Variants in ZW10 observed in about 807,000 individuals in gnomAD.
ZW10 encodes the protein zw10 kinetochore protein, also known as centromere/kinetochore protein zw10 homolog.
A neutral mutation model predicts 87.8 loss-of-function variants in ZW10; 53 were observed. That is an observed-to-expected ratio of 0.60 (90% CI 0.48 to 0.76). ZW10 has a LOEUF of 0.76. ZW10 is among the 30% of genes least tolerant of loss of function. ZW10 has a pLI of 0.00. For synonymous variants in ZW10, 312 were observed against 329.2 expected, an observed-to-expected ratio of 0.95 and a Z score of 0.57; for missense variants, 837 against 923.0, an observed-to-expected ratio of 0.91 and a Z score of 1.21.
intron 7 of ZW10, 89 bp downstream of exon 7, chr11:113,757,573 T>C: frequency 9.7e-7 from 1 of 1,030,706 alleles, no homozygotes; most frequent in Non-Finnish European, 1.3e-6. Context: ...TCTCACACAT[T>C]ATAGGCATTT....
At chr11:113,736,216 A>C (rs1953551865) in intron 15 of ZW10, among the ~76,000 whole-genome samples, 1 of 152,030 alleles carries the variant, frequency 6.6e-6, no homozygotes, top group Admixed American at 6.6e-5. Flanking sequence ...TTGAGGCTGC[A>C]GTGAGGAATG....
chr11:113,734,203 T>C (rs928726963), intron 15 of ZW10, among the ~76,000 whole-genome samples: 4 of 152,110 alleles, frequency 2.6e-5, no homozygotes, highest in Non-Finnish European at 5.9e-5. Flanking sequence ...AGAAGTCCCA[T>C]GAATCAATAG....
At chr11:113,770,950 G>T (rs1953959456) in intron 1 of ZW10, among the ~76,000 whole-genome samples, 1 of 149,548 alleles carries the variant, frequency 6.7e-6, no homozygotes. Context: ...ACTTCCTCAA[G>T]TCGGGGACTT....
intron 14 of ZW10, among the ~76,000 whole-genome samples, chr11:113,737,136 A>G (rs754432339): frequency 6.6e-6 from 1 of 152,230 alleles, no homozygotes; most frequent in Non-Finnish European, 1.5e-5. Flanking sequence ...TAGTCAATCT[A>G]TGATTTAGAG....
At chr11:113,750,743 G>A (rs1324742004) in intron 7 of ZW10, among the ~76,000 whole-genome samples, 1 of 152,118 alleles carries the variant, frequency 6.6e-6, no homozygotes, top group South Asian at 2.1e-4. Flanking sequence ...CCAATAAAAA[G>A]TGTGATTTTA....
rs1953804010 is a variant in ZW10, at chr11:113,757,594, A to G, written c.925+68T>C. 7 of 1,190,396 alleles carry G rather than the reference A, an allele frequency of 5.9e-6. No individual in the cohort carries two copies. The Admixed American group carries it at 1.4e-4, about 23-fold the overall frequency. The allele number at this position is 1,190,396 out of a possible 1,614,324, so 73.7% of individuals were successfully genotyped here. A position where few individuals can be genotyped will look rare whatever the true frequency, so the allele number is the denominator to read the frequency against. The stretch of plus-strand genomic sequence containing the variant: ...ACATTATAGGCATTTCTACTTTAAA[A>G]TAATATTTACTTTTATAAACAATAT... On this transcript the variant is annotated intron_variant, in intron 7 of 15. Coordinates refer to ENST00000200135, the MANE Select transcript of ZW10 (RefSeq NM_004724.4).
chr11:113,734,231 TATTAGA>T (rs1025692460), intron 15 of ZW10, among the ~76,000 whole-genome samples: 5 of 152,116 alleles, frequency 3.3e-5, no homozygotes, highest in Non-Finnish European at 5.9e-5. Flanking sequence ...ACAAACAACC[TATTAGA>T]ATAACGGGCA....
At chr11:113,742,472 T>G (rs55782301) in intron 10 of ZW10, among the ~76,000 whole-genome samples, 24,728 of 152,210 alleles carry the variant, frequency 0.16, 2,264 homozygotes, top group Middle Eastern at 0.21. Flanking sequence ...TATAATACCT[T>G]ATTAAATTAT....
chr11:113,748,131 T>C, intron 8 of ZW10, 126 bp downstream of exon 8: 1 of 835,656 alleles, frequency 1.2e-6, no homozygotes, highest in Non-Finnish European at 1.7e-6. Context: ...GGAATTTGTC[T>C]CTATTCCTTA....
At chr11:113,771,373 G>C (rs1053350662) in intron 1 of ZW10, 1 of 152,172 alleles carries the variant, frequency 6.6e-6, no homozygotes, top group African/African-American at 2.4e-5. Flanking sequence ...TAAAATGAGG[G>C]GTTTGAGTTA....
chr11:113,739,913 T>C (rs1953596944), intron 11 of ZW10, among the ~76,000 whole-genome samples: 1 of 152,018 alleles, frequency 6.6e-6, no homozygotes. Context: ...ACAGCATTTA[T>C]ATGTTTTAAA....
chr11:113,754,604 A>G (rs2134883811), intron 7 of ZW10, among the ~76,000 whole-genome samples: 1 of 152,110 alleles, frequency 6.6e-6, no homozygotes, highest in East Asian at 1.9e-4. Context: ...GATATTTTTC[A>G]AAAACAGCAT....
intron 1 of ZW10, among the ~76,000 whole-genome samples, chr11:113,770,947 C>A (rs1167147565): frequency 1.3e-5 from 2 of 149,746 alleles, no homozygotes; most frequent in African/African-American, 4.9e-5. Flanking sequence ...TGTACTTCCT[C>A]AAGTCGGGGA....
At chr11:113,739,720 T>A (rs999113832) in intron 11 of ZW10, among the ~76,000 whole-genome samples, 1 of 152,224 alleles carries the variant, frequency 6.6e-6, no homozygotes, top group Non-Finnish European at 1.5e-5. Context: ...TCTATGGAAA[T>A]ACAGGTTTAC....
intron 9 of ZW10, among the ~76,000 whole-genome samples, chr11:113,746,007 T>A (rs113577886): frequency 2.0e-5 from 2 of 101,024 alleles, no homozygotes; most frequent in African/African-American, 6.3e-5. Context: ...CATTTGGCAA[T>A]GTCTGGAGAT....
At chr11:113,746,495 C>CAAAAA (rs566009326) in intron 9 of ZW10, among the ~76,000 whole-genome samples, 25 of 105,304 alleles carry the variant, frequency 2.4e-4, no homozygotes, top group African/African-American at 3.5e-4. Context: ...ACAAAACAGT[C>CAAAAA]AAAAAAAAAA....
At chr11:113,749,513 A>T (rs1255091425) in intron 7 of ZW10, among the ~76,000 whole-genome samples, 1 of 152,192 alleles carries the variant, frequency 6.6e-6, no homozygotes, top group Non-Finnish European at 1.5e-5. Flanking sequence ...AAAATTGCAC[A>T]GAACTACAGA....
In ZW10 at chr11:113,744,018, T is replaced by C; in HGVS notation, c.1295A>G (p.Asn432Ser). 1 of 1,612,478 alleles carries C rather than the reference T, an allele frequency of 6.2e-7. No individual in the cohort carries two copies. The highest frequency in any genetic ancestry group is 8.5e-7 in the Non-Finnish European group (1 of 1,178,582). Residue 432 changes from asparagine to serine, a missense_variant, in exon 10 of 16, where the codon AAT (asparagine) becomes AGT (serine). Asn to Ser is a conservative substitution (Grantham distance 46, BLOSUM62 1). Transcript: ENST00000200135. ...TVKIIPDSKI[N>S]VPELPTPDED... The stretch of plus-strand genomic sequence containing the variant: ...ATCAGGAGTGGGTAACTCTGGCACA[T>C]TTATCTTAGAATCAGGAATAATCTA...
At chr11:113,769,118 T>G in intron 1 of ZW10, 151 bp from the exon 2 acceptor site, 1 of 729,656 alleles carries the variant, frequency 1.4e-6, no homozygotes, top group South Asian at 2.0e-5. Flanking sequence ...GCCAATGAGT[T>G]TATTTCAAAA....
Sources: allele counts gnomAD v4.1 joint callset (sites outside exome capture counted in the v4.1 genomes callset), GRCh38; gene constraint gnomAD v4.1.1; transcripts MANE v1.5; gene names NCBI Gene and HGNC (gene_info 2026-07-23, HGNC 2026-07-21).